Variants in PRKACB observed in about 807,000 individuals in gnomAD.
The protein encoded by PRKACB is protein kinase cAMP-activated catalytic subunit beta, also known as cAMP-dependent protein kinase catalytic subunit beta.
In PRKACB, 16 loss-of-function variants were observed where a neutral mutation model predicts 51.4. The ratio of observed to expected loss-of-function variants is 0.31; its 90% CI spans 0.21 to 0.47. PRKACB has a LOEUF of 0.47. Among genes scored for constraint, PRKACB ranks in the 20% least tolerant of loss-of-function variants. The pLI, the probability that PRKACB is intolerant of heterozygous loss-of-function variation, is 1.00. For missense variants in PRKACB, 309 were observed against 464.5 expected, an observed-to-expected ratio of 0.67 and a Z score of 3.08; for synonymous variants, 147 against 154.4, an observed-to-expected ratio of 0.95 and a Z score of 0.35.
intron 1 of PRKACB, 82 bp downstream of exon 1, chr1:84,144,630 C>G (rs1653793225): frequency 7.3e-7 from 1 of 1,368,722 alleles, no homozygotes; most frequent in Non-Finnish European, 9.9e-7. Context: ...ATAAAGAACC[C>G]TCTTTTGTTT....
intron 6 of PRKACB, among the ~76,000 whole-genome samples, chr1:84,197,192 T>A (rs1016056785): frequency 6.6e-6 from 1 of 152,166 alleles, no homozygotes; most frequent in Non-Finnish European, 1.5e-5. Flanking sequence ...CCAGAGTCCA[T>A]GCCCTTTACG....
intron 1 of PRKACB, among the ~76,000 whole-genome samples, chr1:84,114,015 T>C (rs1401968981): frequency 1.3e-5 from 2 of 152,162 alleles, no homozygotes; most frequent in Non-Finnish European, 2.9e-5. Context: ...GTTAAAATGA[T>C]TAATAGCTAG....
intron 9 of PRKACB, among the ~76,000 whole-genome samples, chr1:84,232,304 G>T (rs1471418515): frequency 6.6e-6 from 1 of 151,994 alleles, no homozygotes; most frequent in African/African-American, 2.4e-5. Flanking sequence ...TATAATTTCT[G>T]TTCTTTTACA....
At chr1:84,099,792 G>A (rs1000595260) in intron 1 of PRKACB, among the ~76,000 whole-genome samples, 1 of 151,798 alleles carries the variant, frequency 6.6e-6, no homozygotes, top group Non-Finnish European at 1.5e-5. Context: ...CTAGTTGTGA[G>A]GTTTAGAAAT....
At chr1:84,214,126 G>A in intron 8 of PRKACB, 27 bp from the exon 9 acceptor site, 1 of 1,574,602 alleles carries the variant, frequency 6.4e-7, no homozygotes, top group African/African-American at 1.4e-5. Context: ...TAGAATGTGT[G>A]TTTTACCAAA....
At chr1:84,210,942 C>T (rs1672035450) in intron 8 of PRKACB, among the ~76,000 whole-genome samples, 1 of 152,062 alleles carries the variant, frequency 6.6e-6, no homozygotes, top group African/African-American at 2.4e-5. Flanking sequence ...TATTTCTCCC[C>T]CAAAATACTT....
At chr1:84,162,315 A>G (rs1222723590) in intron 1 of PRKACB, among the ~76,000 whole-genome samples, 1 of 151,990 alleles carries the variant, frequency 6.6e-6, no homozygotes, top group African/African-American at 2.4e-5. Flanking sequence ...TCTTGGATCC[A>G]TAGGTTACTG....
upstream of PRKACB, among the ~76,000 whole-genome samples, chr1:84,140,116 G>T (rs1476853226): frequency 1.3e-5 from 2 of 152,210 alleles, no homozygotes; most frequent in African/African-American, 4.8e-5. Flanking sequence ...AGACTTACTA[G>T]AAAGCTATGG....
intron 1 of PRKACB, chr1:84,085,979 G>C (rs529924979): frequency 1.4e-6 from 1 of 714,074 alleles, no homozygotes; most frequent in South Asian, 1.6e-5. Flanking sequence ...GCCAGTGCTT[G>C]TGGATTTCCA....
At chr1:84,175,822 T>C in intron 1 of PRKACB, 2 of 1,556,856 alleles carry the variant, frequency 1.3e-6, no homozygotes, top group Non-Finnish European at 1.7e-6. Flanking sequence ...GCTCATTTCC[T>C]TTAGAATGCA....
intron 5 of PRKACB, among the ~76,000 whole-genome samples, chr1:84,193,827 T>A (rs890536750): frequency 2.4e-4 from 37 of 152,096 alleles, no homozygotes; most frequent in Non-Finnish European, 4.9e-4. Context: ...ACAATTAACT[T>A]TCATAATTAA....
At chr1:84,215,817 A>G (rs1439185063) in intron 9 of PRKACB, among the ~76,000 whole-genome samples, 1 of 152,140 alleles carries the variant, frequency 6.6e-6, no homozygotes, top group Non-Finnish European at 1.5e-5. Flanking sequence ...TGCTTCTTAC[A>G]TGCTTAAAGA....
chr1:84,120,468 A>G (rs1650969652), intron 1 of PRKACB, among the ~76,000 whole-genome samples: 1 of 152,110 alleles, frequency 6.6e-6, no homozygotes, highest in Non-Finnish European at 1.5e-5. Flanking sequence ...AGATGGTAGT[A>G]GAGCGCCTCA....
chr1:84,217,329 C>CT (rs201079286), intron 9 of PRKACB, among the ~76,000 whole-genome samples: 1 of 151,404 alleles, frequency 6.6e-6, no homozygotes, highest in African/African-American at 2.4e-5. Flanking sequence ...TGTCTTTTTA[C>CT]TTTTTTTTTC....
rs760333329 is a variant in PRKACB at position 84,214,167 on chromosome 1, C to G, written c.921C>G (p.Ser307=). 1.2e-6 allele frequency: 2 copies of G among 1,610,384 alleles called. No homozygotes were observed. Among genetic ancestry groups the G allele is most frequent in the Admixed American group, 3.4e-5 (2 of 59,312 alleles). ...KIVSGKVRFP[S]HFSSDLKDLL... Reference sequence around the variant, plus strand: ...TGTTTGTGTAGGTCCGATTCCCATCCCACTTCAGTTCAGATCTCAAGGACC... The same window carrying G: ...TGTTTGTGTAGGTCCGATTCCCATCGCACTTCAGTTCAGATCTCAAGGACC... Residue 307 remains serine, a synonymous_variant, in exon 9 of 10, where the codon TCC becomes TCG. Coordinates refer to ENST00000370685, the MANE Select transcript of PRKACB (RefSeq NM_182948.4).
At chr1:84,140,161 A>G (rs1653263425), upstream of PRKACB, among the ~76,000 whole-genome samples, 2 of 152,228 alleles carry the variant, frequency 1.3e-5, no homozygotes, top group African/African-American at 4.8e-5. Context: ...GAAAGAATTG[A>G]CACATATATA....
chr1:84,159,127 T>G (rs1243857073), intron 1 of PRKACB, among the ~76,000 whole-genome samples: 1 of 152,144 alleles, frequency 6.6e-6, no homozygotes, highest in Non-Finnish European at 1.5e-5. Context: ...TGGGGTCCTT[T>G]GCATTTTCAT....
intron 1 of PRKACB, chr1:84,086,108 A>G (rs1428487926): frequency 1.2e-5 from 18 of 1,499,698 alleles, no homozygotes; most frequent in Non-Finnish European, 1.6e-5. Context: ...AGACCTCGCC[A>G]TTGAGTATGA....
At chr1:84,165,051 A>T (rs760733235) in intron 1 of PRKACB, 4 of 1,412,954 alleles carry the variant, frequency 2.8e-6, no homozygotes, top group South Asian at 2.7e-5. Context: ...CTGTTTATTT[A>T]AAAAATATAT....
Sources: gnomAD v4.1 joint callset for allele counts (sites outside exome capture counted in the v4.1 genomes callset) on GRCh38, gnomAD v4.1.1 for gene constraint, MANE v1.5 for transcripts, NCBI Gene and HGNC (gene_info 2026-07-23, HGNC 2026-07-21) for gene names.